Variants in CDC40 observed in about 807,000 individuals in gnomAD.
CDC40 encodes the protein cell division cycle 40, also known as pre-mRNA-processing factor 17.
Under a neutral mutation model 80.6 loss-of-function variants are expected in CDC40, and 27 were observed. That is an observed-to-expected ratio of 0.33 (90% CI 0.25 to 0.46). The LOEUF is 0.46. CDC40 is among the 20% of genes least tolerant of loss of function. The pLI is 1.00. For missense variants in CDC40, 486 were observed against 694.1 expected, an observed-to-expected ratio of 0.70 and a Z score of 3.37; for synonymous variants, 221 against 232.6, an observed-to-expected ratio of 0.95 and a Z score of 0.45.
chr6:110,213,378 T>A (rs1777660768), intron 8 of CDC40, among the ~76,000 whole-genome samples: 1 of 151,324 alleles, frequency 6.6e-6, no homozygotes, highest in African/African-American at 2.4e-5. Context: ...GTTGTTGTTT[T>A]TGTTTTTTGT....
chr6:110,210,318 G>A (rs2114663276), intron 5 of CDC40, among the ~76,000 whole-genome samples: 1 of 152,024 alleles, frequency 6.6e-6, no homozygotes, highest in South Asian at 2.1e-4. Flanking sequence ...GGGAGGCCGA[G>A]GCGGGCGCAT....
rs374768334 is a variant in CDC40, at chr6:110,212,210, A to G, written c.805A>G (p.Met269Val). ...TGTTGGTGTTAATCTACGGTCAACTATGCCACCTGAGAAGTGTTATCTTCC... is the reference window on the plus strand; with the variant it reads ...TGTTGGTGTTAATCTACGGTCAACTGTGCCACCTGAGAAGTGTTATCTTCC... ...QDVGVNLRSTMPPEKCYLPKK... is the reference protein window; with the variant it reads ...QDVGVNLRSTVPPEKCYLPKK... Residue 269 changes from methionine to valine, a missense_variant, in exon 7 of 15, where the codon ATG becomes GTG. This residue lies in a region of CDC40 where 381 missense variants were observed against 492.1 expected (regional missense o/e 0.77). Coordinates refer to ENST00000307731, the MANE Select transcript of CDC40 (RefSeq NM_015891.3). 3.0e-5 allele frequency: 49 copies of G among 1,613,752 alleles called. No homozygotes were observed. The Middle Eastern group carries it at 4.9e-4, about 16-fold the overall frequency.
At position 110,230,001 on chromosome 6, in the gene CDC40, G is replaced by A; in HGVS notation, c.1610G>A (p.Trp537Ter). ...DGNGKLNIWD[W>*]KTTKLYSRFK... ...AATGGAAAATTAAACATTTGGGACTGGAAGACCACAAAACTCTACAGTCGA... is the reference window on the plus strand; with the variant it reads ...AATGGAAAATTAAACATTTGGGACTAGAAGACCACAAAACTCTACAGTCGA... The change falls in exon 15 of 15, where the codon TGG becomes TAG. Residue 537 changes from tryptophan to a stop codon, truncating the protein, a stop_gained. Coordinates refer to ENST00000307731, the MANE Select transcript of CDC40 (RefSeq NM_015891.3). LOFTEE classifies it high-confidence loss of function. 3 of 1,611,964 alleles carry A rather than the reference G, an allele frequency of 1.9e-6. No individual in the cohort carries two copies. Among genetic ancestry groups the A allele is most frequent in the Non-Finnish European group, 1.7e-6 (2 of 1,178,362 alleles).
At position 110,218,553 on chromosome 6, in the gene CDC40, G is replaced by A. The variant is rs117725015; in HGVS notation, c.1090+750G>A. Reference sequence around the variant, plus strand: ...ATAAGTAGCAGACTTGGGTTCAAACGAAGCTCTCTCTGATGCCAAAGCCCA... The same window carrying A: ...ATAAGTAGCAGACTTGGGTTCAAACAAAGCTCTCTCTGATGCCAAAGCCCA... On this transcript the variant is annotated intron_variant, in intron 10 of 14. Transcript: ENST00000307731. Among the ~76,000 whole-genome samples the A allele has an allele frequency of 3.7e-3, 558 of 152,234 alleles. 2 individuals carry two copies. The highest frequency in any genetic ancestry group is 5.9e-3 in the Non-Finnish European group (398 of 67,998).
At chr6:110,221,160 G>A (rs910435699) in intron 12 of CDC40, among the ~76,000 whole-genome samples, 1 of 152,048 alleles carries the variant, frequency 6.6e-6, no homozygotes, top group African/African-American at 2.4e-5. Context: ...TAACCTTTTT[G>A]TTAAAACGAA....
intron 9 of CDC40, among the ~76,000 whole-genome samples, chr6:110,215,720 C>T (rs1041107290): frequency 4.6e-5 from 7 of 151,966 alleles, no homozygotes; most frequent in Non-Finnish European, 7.4e-5. Context: ...GAGCTCTTGC[C>T]GGAAAGCAAC....
chr6:110,197,128 T>A (rs1201583246), intron 2 of CDC40, among the ~76,000 whole-genome samples: 1 of 152,166 alleles, frequency 6.6e-6, no homozygotes, highest in Non-Finnish European at 1.5e-5. Context: ...TAGTATCAGA[T>A]CTCTGAGAGT....
chr6:110,192,184 G>A (rs1433007145), intron 1 of CDC40, among the ~76,000 whole-genome samples: 1 of 152,178 alleles, frequency 6.6e-6, no homozygotes, highest in African/African-American at 2.4e-5. Flanking sequence ...AAGTGAGGCT[G>A]TAGGTGGTCA....
At chr6:110,217,502 AG>A (rs1264786068) in intron 9 of CDC40, among the ~76,000 whole-genome samples, 199 bp from the exon 10 acceptor site, 2 of 152,054 alleles carry the variant, frequency 1.3e-5, no homozygotes, top group East Asian at 1.9e-4. Flanking sequence ...AGCTTCTTCA[AG>A]GGGAAAAAAA....
chr6:110,215,532 T>C (rs1425533706), intron 9 of CDC40, among the ~76,000 whole-genome samples: 2 of 152,130 alleles, frequency 1.3e-5, no homozygotes, highest in Non-Finnish European at 2.9e-5. Flanking sequence ...ACAAAAATGG[T>C]GTGAGACAGC....
intron 12 of CDC40, chr6:110,224,195 A>G (rs565955943): frequency 1.3e-5 from 2 of 152,294 alleles, no homozygotes; most frequent in South Asian, 4.1e-4. Flanking sequence ...TTATTTTGGT[A>G]AAATATTTTT....
intron 1 of CDC40, among the ~76,000 whole-genome samples, chr6:110,183,200 C>T (rs1002469518): frequency 4.6e-5 from 7 of 152,188 alleles, no homozygotes; most frequent in Non-Finnish European, 1.5e-5. Flanking sequence ...GCACTTAGCA[C>T]ATTGCTGTAA....
intron 4 of CDC40, 37 bp downstream of exon 4, chr6:110,207,626 A>G (rs1364723233): frequency 1.9e-6 from 2 of 1,028,406 alleles, no homozygotes; most frequent in Non-Finnish European, 3.1e-6. Flanking sequence ...ATATATACCT[A>G]CACATCTATA....
At position 110,188,388 on chromosome 6, in the gene CDC40, C is replaced by A. The variant is rs144174040; in HGVS notation, c.190-4794C>A. Among the ~76,000 whole-genome samples, 18 of 152,220 alleles carry A rather than the reference C, an allele frequency of 1.2e-4. No homozygotes were observed. In the East Asian group the frequency reaches 1.9e-3, roughly 16 times the overall value. ...AAACAATTTGTATGTAACCTGTTAA[C>A]TTTATAGTACTGAGTTTGCTATTGG... On this transcript the variant is annotated intron_variant, in intron 1 of 14. Coordinates refer to ENST00000307731, the MANE Select transcript of CDC40 (RefSeq NM_015891.3).
At chr6:110,224,622 C>G (rs1211862588) in intron 12 of CDC40, among the ~76,000 whole-genome samples, 2 of 152,180 alleles carry the variant, frequency 1.3e-5, no homozygotes, top group African/African-American at 2.4e-5. Flanking sequence ...CTCCTGACCT[C>G]AGGTGATCCA....
rs1272288332 is a variant in CDC40, at chr6:110,210,772, G to A, written c.696G>A (p.Glu232=). Residue 232 remains glutamate, a synonymous_variant, in exon 6 of 15, where the codon GAG becomes GAA. Coordinates refer to ENST00000307731, the MANE Select transcript of CDC40 (RefSeq NM_015891.3). ...KRQKKGKQEE[E]KPGEEKTILH... is the part of the protein sequence containing the mutation. ...AGAAAAAAGGAAAACAGGAAGAAGAGAAACCTGGGGAGGAGAAGACAATCT... is the reference window on the plus strand; with the variant it reads ...AGAAAAAAGGAAAACAGGAAGAAGAAAAACCTGGGGAGGAGAAGACAATCT... 4 of 1,568,922 alleles carry A rather than the reference G, an allele frequency of 2.5e-6. No individual in the cohort carries two copies. Among genetic ancestry groups the A allele is most frequent in the Non-Finnish European group, 1.7e-6 (2 of 1,159,108 alleles).
chr6:110,223,847 G>GT (rs1314660271), intron 12 of CDC40, among the ~76,000 whole-genome samples: 1 of 146,698 alleles, frequency 6.8e-6, no homozygotes, highest in Non-Finnish European at 1.5e-5. Flanking sequence ...GTTTTGTTTT[G>GT]TTTGAGACAG....
At chr6:110,213,754 A>G (rs910167354) in intron 8 of CDC40, among the ~76,000 whole-genome samples, 2 of 152,168 alleles carry the variant, frequency 1.3e-5, no homozygotes, top group Admixed American at 6.5e-5. Context: ...TTTTTCTTCT[A>G]AATACTAGTA....
At chr6:110,189,096 T>C (rs926565899) in intron 1 of CDC40, among the ~76,000 whole-genome samples, 45 of 152,330 alleles carry the variant, frequency 3.0e-4, no homozygotes, top group Middle Eastern at 6.8e-3. Flanking sequence ...ACATTGTTCA[T>C]TGTGGTTACT....
Sources: gnomAD v4.1 joint callset for allele counts (sites outside exome capture counted in the v4.1 genomes callset) on GRCh38, gnomAD v4.1.1 for gene constraint, gnomAD v4.1.1 regional missense constraint, MANE v1.5 for transcripts, NCBI Gene and HGNC (gene_info 2026-07-23, HGNC 2026-07-21) for gene names.